ASCC3: variants seen among roughly 807,000 people sequenced by gnomAD.
ASCC3 encodes activating signal cointegrator 1 complex subunit 3, also known as ASC-1 complex subunit P200.
In ASCC3, 158 loss-of-function variants were observed where a neutral mutation model predicts 256.3. The ratio of observed to expected loss-of-function variants is 0.62; its 90% CI spans 0.54 to 0.70. The LOEUF is 0.70. ASCC3 is among the 30% of genes least tolerant of loss of function. The pLI is 0.00. For missense variants in ASCC3, 2,259 were observed against 2,626.0 expected (o/e 0.86, Z 3.05); for synonymous variants, 948 against 883.4 (o/e 1.07, Z -1.30).
At chr6:100,826,550 A>G (rs540899223) in intron 4 of ASCC3, among the ~76,000 whole-genome samples, 13 of 152,182 alleles carry the variant, frequency 8.5e-5, no homozygotes, top group African/African-American at 2.2e-4. Flanking sequence ...GTCATCCATC[A>G]TATCTGTAAT....
rs187028703 is a variant in ASCC3 at position 100,733,979 on chromosome 6, C to T, written c.1738-8276G>A. Among the ~76,000 whole-genome samples the T allele has an allele frequency of 1.5e-3, 222 of 152,288 alleles. 1 individual carries two copies. Among genetic ancestry groups the T allele is most frequent in the African/African-American group, 5.2e-3 (216 of 41,548 alleles). On this transcript the variant is annotated intron_variant, in intron 10 of 41. Transcript: ENST00000369162. ...CAAATGGGACAAAGGACACTGTGCC[C>T]TGTCTTATGATAGTTCTTGTAGGAG...
chr6:100,531,982 T>C (rs1582399234), intron 37 of ASCC3, among the ~76,000 whole-genome samples: 1 of 152,182 alleles, frequency 6.6e-6, no homozygotes, highest in East Asian at 1.9e-4. Context: ...ATTTTTTGTT[T>C]TGTTTTTACT....
intron 4 of ASCC3, among the ~76,000 whole-genome samples, chr6:100,827,842 T>C (rs988240941): frequency 1.3e-5 from 2 of 152,102 alleles, no homozygotes; most frequent in Admixed American, 6.5e-5. Flanking sequence ...TTTTTCACTT[T>C]GTGTCTACTA....
chr6:100,709,291 T>C (rs1340917163), intron 13 of ASCC3, among the ~76,000 whole-genome samples: 2 of 152,198 alleles, frequency 1.3e-5, no homozygotes, highest in African/African-American at 4.8e-5. Context: ...AGTAGCATAA[T>C]CTTTAATAAC....
intron 41 of ASCC3, 123 bp downstream of exon 41, chr6:100,509,809 A>G: frequency 2.2e-6 from 2 of 927,534 alleles, no homozygotes; most frequent in Non-Finnish European, 3.2e-6. Context: ...AATGGCGTGA[A>G]CCCGGGAGGC....
chr6:100,576,261 T>C (rs1770852496), intron 36 of ASCC3, among the ~76,000 whole-genome samples: 1 of 152,022 alleles, frequency 6.6e-6, no homozygotes, highest in Admixed American at 6.6e-5. Flanking sequence ...CAAAATAGCA[T>C]CAGATTGTTT....
intron 36 of ASCC3, among the ~76,000 whole-genome samples, chr6:100,546,094 T>C (rs1775706802): frequency 6.6e-6 from 1 of 152,232 alleles, no homozygotes; most frequent in African/African-American, 2.4e-5. Context: ...AAATTGATTG[T>C]ATTTTTCTGT....
chr6:100,837,006 G>T (rs1278675647), intron 4 of ASCC3, among the ~76,000 whole-genome samples: 2 of 151,726 alleles, frequency 1.3e-5, no homozygotes, highest in African/African-American at 4.8e-5. Context: ...AGAATAATAA[G>T]GAAATTAAAC....
intron 10 of ASCC3, among the ~76,000 whole-genome samples, chr6:100,757,544 A>AT (rs1265405514): frequency 1.3e-5 from 2 of 149,392 alleles, no homozygotes; most frequent in African/African-American, 5.0e-5. Flanking sequence ...ATAAACTGGG[A>AT]TTTTCAAAAA....
chr6:100,820,272 G>A (rs970229517), intron 4 of ASCC3, among the ~76,000 whole-genome samples: 2 of 140,232 alleles, frequency 1.4e-5, no homozygotes, highest in Non-Finnish European at 3.2e-5. Context: ...TTAAAAGAGT[G>A]TAGTACCAGC....
At chr6:100,812,127 T>C (rs1040786402) in intron 4 of ASCC3, among the ~76,000 whole-genome samples, 6 of 152,100 alleles carry the variant, frequency 3.9e-5, no homozygotes, top group Non-Finnish European at 5.9e-5. Context: ...TCATCTCCAC[T>C]AAAATAATTT....
chr6:100,799,336 C>G, intron 7 of ASCC3, 95 bp downstream of exon 7: 1 of 1,356,700 alleles, frequency 7.4e-7, no homozygotes, highest in Non-Finnish European at 1.0e-6. Context: ...GCATAGTCAA[C>G]TAGTGTTAGA....
At position 100,755,840 on chromosome 6, in the gene ASCC3, A is replaced by T. The variant is rs191580768; in HGVS notation, c.1737+10725T>A. Among the ~76,000 whole-genome samples, 29 of 152,298 alleles carry T rather than the reference A, an allele frequency of 1.9e-4. No homozygotes were observed. The East Asian group carries it at 5.4e-3, about 28-fold the overall frequency. On this transcript the variant is annotated intron_variant, in intron 10 of 41. Transcript: ENST00000369162. ...CTGGACAAACTACATGTATCAAGATACTTTACATGGTATACTTCACAATAT... is the reference window on the plus strand; with the variant it reads ...CTGGACAAACTACATGTATCAAGATTCTTTACATGGTATACTTCACAATAT...
intron 20 of ASCC3, among the ~76,000 whole-genome samples, chr6:100,648,918 G>A (rs1388801413): frequency 6.6e-6 from 1 of 151,922 alleles, no homozygotes; most frequent in East Asian, 1.9e-4. Context: ...GTCTAGAAAA[G>A]TTAAGCATAG....
intron 25 of ASCC3, among the ~76,000 whole-genome samples, chr6:100,634,106 TTTTA>T (rs1397641055): frequency 3.3e-5 from 5 of 152,212 alleles, no homozygotes; most frequent in African/African-American, 1.2e-4. Flanking sequence ...TTGTTTTACT[TTTTA>T]TTTGTTTTTA....
intron 30 of ASCC3, among the ~76,000 whole-genome samples, chr6:100,623,078 A>C (rs1774044177): frequency 6.6e-6 from 1 of 152,116 alleles, no homozygotes. Flanking sequence ...GCCTAGAGAG[A>C]TACCACACAT....
chr6:100,879,495 A>T (rs898338611), intron 1 of ASCC3, among the ~76,000 whole-genome samples: 3 of 152,154 alleles, frequency 2.0e-5, no homozygotes, highest in Non-Finnish European at 4.4e-5. Flanking sequence ...TTCTTAGTCA[A>T]TTCATTAGCA....
chr6:100,602,182 G>T (rs1772653058), intron 33 of ASCC3, among the ~76,000 whole-genome samples: 1 of 151,880 alleles, frequency 6.6e-6, no homozygotes, highest in Non-Finnish European at 1.5e-5. Context: ...CATGAACTCA[G>T]GTGAACCCGT....
intron 10 of ASCC3, among the ~76,000 whole-genome samples, chr6:100,727,972 A>G (rs1779718987): frequency 1.3e-5 from 2 of 152,080 alleles, no homozygotes; most frequent in Admixed American, 6.6e-5. Context: ...AGAAAGTCTA[A>G]AAATAACTTT....
Sources: gnomAD v4.1 joint callset for allele counts (sites outside exome capture counted in the v4.1 genomes callset) on GRCh38, gnomAD v4.1.1 for gene constraint, MANE v1.5 for transcripts, NCBI Gene and HGNC (gene_info 2026-07-23, HGNC 2026-07-21) for gene names.